NRG3: variants seen among roughly 807,000 people sequenced by gnomAD.
The protein encoded by NRG3 is neuregulin 3.
Under a neutral mutation model 66.9 loss-of-function variants are expected in NRG3, and 31 were observed. The ratio of observed to expected loss-of-function variants is 0.46; its 90% CI spans 0.35 to 0.63. NRG3 has a LOEUF of 0.63. Among genes scored for constraint, NRG3 ranks in the 20% least tolerant of loss-of-function variants. The pLI is 0.00. For missense variants in NRG3, 910 were observed against 878.9 expected (o/e 1.04, Z -0.45); for synonymous variants, 393 against 359.4 (o/e 1.09, Z -1.06).
At chr10:82,591,302 G>T (rs2046969089) in intron 2 of NRG3, among the ~76,000 whole-genome samples, 1 of 152,160 alleles carries the variant, frequency 6.6e-6, no homozygotes, top group Non-Finnish European at 1.5e-5. Flanking sequence ...ATCCCAAATT[G>T]ATATTTTCAT....
intron 1 of NRG3, among the ~76,000 whole-genome samples, chr10:81,988,098 G>A (rs561064170): frequency 6.6e-6 from 1 of 152,276 alleles, no homozygotes; most frequent in South Asian, 2.1e-4. Flanking sequence ...AAACCAAAAT[G>A]CATTTCAATA....
chr10:82,000,360 CT>C lies in NRG3; in HGVS notation c.823+124207del, dbSNP rs139635059. On this transcript the variant is annotated intron_variant, in intron 1 of 8. Coordinates refer to ENST00000372141, the MANE Select transcript of NRG3 (RefSeq NM_001010848.4). ...TGTATCAAGGTCATGTATACAGCTG[CT>C]TTTTTTTTTCCTTCTTGGCCACATA... 2.4e-3 allele frequency among the ~76,000 whole-genome samples: 351 copies of C among 149,132 alleles called. 1 individual carries two copies. Among genetic ancestry groups the C allele is most frequent in the Admixed American group, 3.9e-3 (58 of 14,962 alleles).
chr10:82,811,025 G>A (rs1333574288), intron 3 of NRG3, among the ~76,000 whole-genome samples: 6 of 150,802 alleles, frequency 4.0e-5, no homozygotes, highest in African/African-American at 1.5e-4. Flanking sequence ...CATTTGCAGG[G>A]CCCCTTCCTT....
intron 1 of NRG3, among the ~76,000 whole-genome samples, chr10:82,046,132 G>A (rs1481949029): frequency 1.4e-5 from 2 of 146,530 alleles, no homozygotes; most frequent in African/African-American, 5.0e-5. Context: ...TATGGGGATG[G>A]CATTGAATCT....
intron 1 of NRG3, among the ~76,000 whole-genome samples, chr10:81,985,736 T>G (rs2060493944): frequency 6.6e-6 from 1 of 152,248 alleles, no homozygotes; most frequent in Non-Finnish European, 1.5e-5. Flanking sequence ...TTTTCAATGC[T>G]TCTCTTTATC....
intron 1 of NRG3, among the ~76,000 whole-genome samples, chr10:81,984,029 T>C (rs1274441299): frequency 6.6e-6 from 1 of 152,074 alleles, no homozygotes; most frequent in South Asian, 2.1e-4. Flanking sequence ...GAAGCAGAGA[T>C]AGGAATGAGT....
At chr10:82,248,741 C>T (rs2134073550) in intron 1 of NRG3, among the ~76,000 whole-genome samples, 1 of 152,292 alleles carries the variant, frequency 6.6e-6, no homozygotes, top group East Asian at 1.9e-4. Context: ...GCTGTTGGAT[C>T]ACTTGCTTCC....
At chr10:82,844,209 T>C (rs2063200101) in intron 3 of NRG3, among the ~76,000 whole-genome samples, 2 of 152,218 alleles carry the variant, frequency 1.3e-5, no homozygotes, top group African/African-American at 4.8e-5. Context: ...ATGGGCCTCG[T>C]TTATTTGTTT....
At chr10:82,004,104 G>A (rs116693806) in intron 1 of NRG3, among the ~76,000 whole-genome samples, 1 of 151,584 alleles carries the variant, frequency 6.6e-6, no homozygotes, top group Non-Finnish European at 1.5e-5. Context: ...TATTTTTATT[G>A]GGTTGCAATA....
chr10:82,514,924 A>T (rs986189097), intron 2 of NRG3, among the ~76,000 whole-genome samples: 16 of 152,224 alleles, frequency 1.1e-4, no homozygotes, highest in African/African-American at 3.4e-4. Flanking sequence ...AGACCACTAG[A>T]ATATAACCAC....
chr10:82,708,968 C>T (rs2056486307), intron 2 of NRG3, among the ~76,000 whole-genome samples: 2 of 151,970 alleles, frequency 1.3e-5, no homozygotes, highest in African/African-American at 4.8e-5. Flanking sequence ...CCTGAGCAGC[C>T]ACTTTATAAC....
chr10:82,899,831 A>C (rs544154309), intron 4 of NRG3, among the ~76,000 whole-genome samples: 13 of 152,318 alleles, frequency 8.5e-5, no homozygotes, highest in Non-Finnish European at 1.6e-4. Context: ...CTGCTCTAAG[A>C]ATAGTAGAAG....
chr10:82,462,568 G>T (rs1027349175), intron 2 of NRG3, among the ~76,000 whole-genome samples: 3 of 152,098 alleles, frequency 2.0e-5, no homozygotes, highest in Non-Finnish European at 4.4e-5. Context: ...ATTGAAGCTG[G>T]AGGCCCAAGG....
In NRG3 at chr10:82,500,746, G is replaced by C. The variant is rs115148179; in HGVS notation, c.953+141878G>C. Among the ~76,000 whole-genome samples the C allele has an allele frequency of 9.1e-3, 1,384 of 152,268 alleles. 20 individuals are homozygous for C. Among genetic ancestry groups the C allele is most frequent in the African/African-American group, 0.031 (1,309 of 41,560 alleles). ...GCCTATACTGAACTTTTGGTTCTAT[G>C]TGTCTAAGGGGTACTCATCTTACAT... On this transcript the variant is annotated intron_variant, in intron 2 of 8. Coordinates refer to ENST00000372141, the MANE Select transcript of NRG3 (RefSeq NM_001010848.4).
intron 1 of NRG3, among the ~76,000 whole-genome samples, chr10:81,982,689 T>C (rs1352834258): frequency 6.6e-6 from 1 of 152,170 alleles, no homozygotes; most frequent in Admixed American, 6.5e-5. Context: ...CCATGGCAGT[T>C]CTTTTTTGTC....
intron 3 of NRG3, among the ~76,000 whole-genome samples, chr10:82,817,335 G>A (rs570574399): frequency 3.9e-5 from 6 of 152,278 alleles, no homozygotes; most frequent in South Asian, 4.1e-4. Flanking sequence ...ATAAGTTACC[G>A]AAAGCCAAAT....
At chr10:82,373,540 G>T (rs1333453256) in intron 2 of NRG3, among the ~76,000 whole-genome samples, 1 of 152,172 alleles carries the variant, frequency 6.6e-6, no homozygotes, top group African/African-American at 2.4e-5. Context: ...CAGCTTTGAG[G>T]CTCAGGCTAG....
intron 1 of NRG3, among the ~76,000 whole-genome samples, chr10:82,139,195 C>G (rs772570683): frequency 6.6e-6 from 1 of 152,172 alleles, no homozygotes; most frequent in Non-Finnish European, 1.5e-5. Context: ...CAGCCTCTAA[C>G]AAGCAAGCTC....
chr10:82,609,600 A>AG (rs1409517252), intron 2 of NRG3, among the ~76,000 whole-genome samples: 28 of 152,096 alleles, frequency 1.8e-4, no homozygotes, highest in African/African-American at 5.8e-4. Flanking sequence ...AAAAAAAAAA[A>AG]AGAGAGAGAG....
Sources: allele counts gnomAD v4.1 joint callset (sites outside exome capture counted in the v4.1 genomes callset), GRCh38; gene constraint gnomAD v4.1.1; transcripts MANE v1.5; gene names NCBI Gene and HGNC (gene_info 2026-07-23, HGNC 2026-07-21).